GABBR2: variants seen among roughly 807,000 people sequenced by gnomAD.
The protein encoded by GABBR2 is G-protein coupled receptor 51.
Under a neutral mutation model 105.6 loss-of-function variants are expected in GABBR2, and 23 were observed. That is an observed-to-expected ratio of 0.22 (90% CI 0.16 to 0.31). The LOEUF (loss-of-function observed/expected upper bound fraction) is 0.31. GABBR2 is among the 10% of genes least tolerant of loss of function. The pLI is 1.00. For missense variants in GABBR2, 734 were observed against 1,245.5 expected (o/e 0.59, Z 6.18); for synonymous variants, 478 against 499.7 (o/e 0.96, Z 0.58).
At chr9:98,590,849 G>A (rs1201008464) in intron 1 of GABBR2, among the ~76,000 whole-genome samples, 1 of 152,212 alleles carries the variant, frequency 6.6e-6, no homozygotes, top group Admixed American at 6.5e-5. Flanking sequence ...GAGTGGGTGA[G>A]AGACATGGAA....
intron 3 of GABBR2, among the ~76,000 whole-genome samples, chr9:98,533,265 G>A (rs1374096840): frequency 6.6e-6 from 1 of 152,126 alleles, no homozygotes. Flanking sequence ...GGGAGGACAG[G>A]GAGACCCTGG....
At chr9:98,582,044 A>C (rs1827495082) in intron 1 of GABBR2, among the ~76,000 whole-genome samples, 1 of 152,238 alleles carries the variant, frequency 6.6e-6, no homozygotes, top group South Asian at 2.1e-4. Context: ...AATTTTCACC[A>C]GAGTGGGTGT....
At position 98,345,538 on chromosome 9, in the gene GABBR2, G is replaced by A. The variant is rs547107743; in HGVS notation, c.1893+17177C>T. ...AAACTAGATGCTTTTCCTGAAGACT[G>A]AGAACAAAGCAAGTATGTCCCCTCC... is the stretch of plus-strand genomic sequence containing the variant. On this transcript the variant is annotated intron_variant, in intron 13 of 18. Coordinates refer to ENST00000259455, the MANE Select transcript of GABBR2 (RefSeq NM_005458.8). Among the ~76,000 whole-genome samples the A allele has an allele frequency of 1.5e-3, 231 of 152,308 alleles. 1 individual carries two copies. Among genetic ancestry groups the A allele is most frequent in the African/African-American group, 5.3e-3 (220 of 41,560 alleles).
intron 13 of GABBR2, among the ~76,000 whole-genome samples, chr9:98,348,906 ATGC>A (rs1235876128): frequency 2.0e-5 from 3 of 152,074 alleles, no homozygotes; most frequent in East Asian, 1.9e-4. Context: ...TCCCTTTTGG[ATGC>A]TCTTTATTTC....
intron 1 of GABBR2, among the ~76,000 whole-genome samples, chr9:98,599,990 A>G (rs1289604528): frequency 1.3e-5 from 2 of 152,312 alleles, no homozygotes; most frequent in South Asian, 2.1e-4. Flanking sequence ...CGAAGAGTCA[A>G]TTAAGAAAGG....
intron 6 of GABBR2, among the ~76,000 whole-genome samples, chr9:98,460,476 T>C (rs1021320900): frequency 7.9e-5 from 12 of 151,588 alleles, no homozygotes; most frequent in Non-Finnish European, 1.6e-4. Flanking sequence ...AAAGAAAAAA[T>C]ATAAAAATTC....
At chr9:98,516,293 G>C (rs1475568027) in intron 3 of GABBR2, 2 of 152,214 alleles carry the variant, frequency 1.3e-5, no homozygotes, top group Non-Finnish European at 2.9e-5. Context: ...TCTGCAAAGG[G>C]AGCCCTCTGT....
intron 1 of GABBR2, among the ~76,000 whole-genome samples, chr9:98,683,957 G>A (rs2900548): frequency 0.72 from 102,014 of 141,258 alleles, 37,659 homozygotes; most frequent in Middle Eastern, 0.86. Flanking sequence ...GCAGTGAGCC[G>A]AGATCTCGCC....
chr9:98,545,299 T>C (rs1483575437), intron 2 of GABBR2, among the ~76,000 whole-genome samples: 2 of 152,194 alleles, frequency 1.3e-5, no homozygotes, highest in Non-Finnish European at 2.9e-5. Flanking sequence ...TGCAAAATAT[T>C]AACTGGCACT....
At chr9:98,615,159 C>T (rs1292438593) in intron 1 of GABBR2, among the ~76,000 whole-genome samples, 6 of 152,188 alleles carry the variant, frequency 3.9e-5, no homozygotes, top group Non-Finnish European at 8.8e-5. Flanking sequence ...GGCAGGATGC[C>T]ACCCAACTCA....
rs200900023 is a variant in GABBR2 at position 98,698,503 on chromosome 9, C to CTT, written c.321+9912_321+9913dup. ...ATGTACTCTTACTTTATGCACAATT[C>CTT]TTTTTTTTTTTTTTGAGATGGAGTC... On this transcript the variant is annotated intron_variant, in intron 1 of 18. Transcript: ENST00000259455. Among the ~76,000 whole-genome samples the CTT allele has an allele frequency of 1.4e-3, 113 of 78,792 alleles. 1 individual carries two copies. The highest frequency in any genetic ancestry group is 0.012 in the East Asian group (48 of 3,854). The allele number at this position is 78,792 out of a possible 152,430, so 51.7% of individuals were successfully genotyped here.
At chr9:98,420,626 G>A (rs569415013) in intron 7 of GABBR2, among the ~76,000 whole-genome samples, 1 of 152,214 alleles carries the variant, frequency 6.6e-6, no homozygotes. Context: ...ACAAAGGCAC[G>A]AGTGCCCTGA....
chr9:98,466,944 C>T (rs1273839292), intron 6 of GABBR2, among the ~76,000 whole-genome samples: 2 of 152,194 alleles, frequency 1.3e-5, no homozygotes, highest in African/African-American at 4.8e-5. Context: ...GTCAAGGTCA[C>T]CTTGTACCTA....
intron 12 of GABBR2, among the ~76,000 whole-genome samples, chr9:98,367,404 A>G (rs967919079): frequency 5.3e-5 from 8 of 152,136 alleles, no homozygotes; most frequent in African/African-American, 1.9e-4. Context: ...GGTTTAACTT[A>G]TATGAGGTTC....
intron 1 of GABBR2, among the ~76,000 whole-genome samples, chr9:98,584,766 A>C (rs1325391923): frequency 1.3e-5 from 2 of 152,244 alleles, no homozygotes; most frequent in Non-Finnish European, 2.9e-5. Flanking sequence ...GCAGAATTTC[A>C]GAATGGAAAG....
intron 9 of GABBR2, among the ~76,000 whole-genome samples, chr9:98,391,069 C>A (rs1307396202): frequency 2.0e-5 from 3 of 152,166 alleles, no homozygotes; most frequent in Non-Finnish European, 4.4e-5. Context: ...TTGCCATTCA[C>A]TCATTCATTC....
chr9:98,428,321 G>A (rs1444891209), intron 7 of GABBR2, among the ~76,000 whole-genome samples: 2 of 152,160 alleles, frequency 1.3e-5, no homozygotes, highest in Non-Finnish European at 2.9e-5. Context: ...AGACAAGAAG[G>A]AGAAGCCACA....
chr9:98,701,067 A>C (rs1830824180), intron 1 of GABBR2, among the ~76,000 whole-genome samples: 2 of 152,240 alleles, frequency 1.3e-5, no homozygotes, highest in Non-Finnish European at 2.9e-5. Flanking sequence ...CTATCCATTT[A>C]GTACCCCTGT....
At chr9:98,582,802 C>G (rs1251641668) in intron 1 of GABBR2, among the ~76,000 whole-genome samples, 2 of 152,020 alleles carry the variant, frequency 1.3e-5, no homozygotes, top group Non-Finnish European at 2.9e-5. Flanking sequence ...AATTTTCACA[C>G]TATGTAAGTT....
Sources: gnomAD v4.1 joint callset for allele counts (sites outside exome capture counted in the v4.1 genomes callset) on GRCh38, gnomAD v4.1.1 for gene constraint, MANE v1.5 for transcripts, NCBI Gene and HGNC (gene_info 2026-07-23, HGNC 2026-07-21) for gene names.